The following TSHZ3 variants were observed in gnomAD, a reference collection of about 807,000 sequenced individuals.
TSHZ3 encodes the protein teashirt homolog 3.
A neutral mutation model predicts 64.5 loss-of-function variants in TSHZ3; 10 were observed. The ratio of observed to expected loss-of-function variants is 0.16; its 90% CI spans 0.10 to 0.26. The LOEUF is 0.26. TSHZ3 is among the 10% of genes least tolerant of loss of function. The pLI, the probability that TSHZ3 is intolerant of heterozygous loss-of-function variation, is 1.00. For missense variants in TSHZ3, 1,242 were observed against 1,421.7 expected, an observed-to-expected ratio of 0.87 and a Z score of 2.03; for synonymous variants, 608 against 593.1, an observed-to-expected ratio of 1.03 and a Z score of -0.36.
intron 1 of TSHZ3, among the ~76,000 whole-genome samples, chr19:31,319,600 T>G (rs1243592135): frequency 2.0e-5 from 3 of 152,092 alleles, no homozygotes; most frequent in Admixed American, 2.0e-4. Flanking sequence ...AGGCAGGCCC[T>G]GAGGAAACCC....
intron 5 of TSHZ3, among the ~76,000 whole-genome samples, chr19:31,199,928 C>T (rs1352959196): frequency 6.7e-6 from 1 of 149,470 alleles, no homozygotes; most frequent in East Asian, 2.0e-4. Context: ...GACACCTCAC[C>T]AAAGAAGATA....
At chr19:31,236,397 T>G (rs575647212) in intron 3 of TSHZ3, among the ~76,000 whole-genome samples, 8 of 152,212 alleles carry the variant, frequency 5.3e-5, no homozygotes, top group Non-Finnish European at 1.2e-4. Context: ...TTAGAGACAC[T>G]GAGCACCTTT....
At chr19:31,153,244 G>T (rs555469187) in intron 6 of TSHZ3, among the ~76,000 whole-genome samples, 2 of 152,250 alleles carry the variant, frequency 1.3e-5, no homozygotes, top group African/African-American at 4.8e-5. Context: ...TCGTCAAAAA[G>T]ATGTTTAGGA....
chr19:31,219,833 T>C (rs969578021), intron 4 of TSHZ3, among the ~76,000 whole-genome samples: 2 of 149,716 alleles, frequency 1.3e-5, no homozygotes, highest in Non-Finnish European at 3.0e-5. Flanking sequence ...TATATATGTA[T>C]ATTCAAAATG....
At position 31,277,171 on chromosome 19, in the gene TSHZ3, A is replaced by C; in HGVS notation, c.2622T>G (p.Ile874Met). The C allele has an allele frequency of 6.2e-7, 1 of 1,613,914 alleles. No homozygotes were observed. Among genetic ancestry groups the C allele is most frequent in the Non-Finnish European group, 8.5e-7 (1 of 1,179,940 alleles). ...CAGCCTCCTCCAGAGTGGCCCCGTC[A>C]ATGTCAGACTTCTCGGAGATGCTGG... is the stretch of plus-strand genomic sequence containing the variant. ...TPSSISEKSD[I>M]DGATLEEAEE... The change falls in exon 2 of 2, where the codon ATT (isoleucine) becomes ATG (methionine). Residue 874 changes from isoleucine (I) to methionine (M), a missense_variant. Ile to Met is a conservative substitution (Grantham distance 10). This residue lies in a region of TSHZ3 where 550 missense variants were observed against 545.1 expected (regional missense o/e 1.01). Coordinates refer to ENST00000240587, the MANE Select transcript of TSHZ3 (RefSeq NM_020856.4). The surrounding 1 kb of genome is among the most constrained non-coding windows in gnomAD (Gnocchi z 4.5).
chr19:31,220,489 C>T (rs1301766745), intron 4 of TSHZ3, among the ~76,000 whole-genome samples: 1 of 152,158 alleles, frequency 6.6e-6, no homozygotes, highest in Admixed American at 6.6e-5. Flanking sequence ...TTCAATTTCA[C>T]ATTTTATTTT....
chr19:31,183,148 T>C (rs1337151819), intron 5 of TSHZ3, among the ~76,000 whole-genome samples: 2 of 151,584 alleles, frequency 1.3e-5, no homozygotes, highest in African/African-American at 4.9e-5. Flanking sequence ...CCTGACAGCC[T>C]CTACAATCAT....
chr19:31,175,394 A>G (rs1974593125), intron 5 of TSHZ3, among the ~76,000 whole-genome samples: 1 of 152,196 alleles, frequency 6.6e-6, no homozygotes, highest in Non-Finnish European at 1.5e-5. Flanking sequence ...ATAGGACTTA[A>G]GCTAAAATCA....
chr19:31,306,248 C>T (rs1916287608), intron 1 of TSHZ3, among the ~76,000 whole-genome samples: 1 of 152,178 alleles, frequency 6.6e-6, no homozygotes, highest in Non-Finnish European at 1.5e-5. Context: ...GCGGGCTGGG[C>T]TGCGAGCTTC....
Position 31,279,125 on chromosome 19 carries a change from T to C in TSHZ3, c.668A>G (p.Tyr223Cys). The C allele has an allele frequency of 6.2e-7, 1 of 1,613,850 alleles. No homozygotes were observed. ...CACCGTCAACTCCACCAGGGTGTCG[T>C]AGGCAGCGCTGCAGTCCTTACAGCG... ...KFRCKDCSAA[Y>C]DTLVELTVHM... Residue 223 changes from tyrosine (Y) to cysteine (C), a missense_variant, in exon 2 of 2, where the codon TAC (tyrosine) becomes TGC (cysteine). Coordinates refer to ENST00000240587, the MANE Select transcript of TSHZ3 (RefSeq NM_020856.4). This position sits in a 1 kb window ranked among gnomAD's most constrained non-coding sequence, Gnocchi z 6.4.
intron 5 of TSHZ3, among the ~76,000 whole-genome samples, chr19:31,200,963 T>C (rs561028098): frequency 6.6e-6 from 1 of 152,040 alleles, no homozygotes; most frequent in African/African-American, 2.4e-5. Context: ...CATATTAAAC[T>C]GTACTTTAAA....
rs758019620 is a variant in TSHZ3, at chr19:31,277,394, C to G, written c.2399G>C (p.Gly800Ala). 2.5e-6 allele frequency: 4 copies of G among 1,614,124 alleles called. No individual in the cohort carries two copies. The highest frequency in any genetic ancestry group is 1.1e-5 in the South Asian group (1 of 91,080). The change falls in exon 2 of 2, where the codon GGC (glycine) becomes GCC (alanine). Residue 800 changes from glycine to alanine, a missense_variant. Coordinates refer to ENST00000240587, the MANE Select transcript of TSHZ3 (RefSeq NM_020856.4). The surrounding 1 kb of genome is among the most constrained non-coding windows in gnomAD (Gnocchi z 4.5). The part of the protein sequence containing the change: ...IDLTKGKSDK[G>A]CSLGSVLLSP... Reference sequence around the variant, plus strand: ...CAGAAGCACTGAACCCAAGGAGCAGCCTTTGTCACTCTTCCCTTTTGTCAA... The same window carrying G: ...CAGAAGCACTGAACCCAAGGAGCAGGCTTTGTCACTCTTCCCTTTTGTCAA...
intron 5 of TSHZ3, among the ~76,000 whole-genome samples, chr19:31,185,432 G>T (rs1974790656): frequency 6.6e-6 from 1 of 152,216 alleles, no homozygotes; most frequent in African/African-American, 2.4e-5. Flanking sequence ...CAGAGGGGAA[G>T]ATCAGAATAG....
intron 1 of TSHZ3, among the ~76,000 whole-genome samples, chr19:31,345,183 T>C (rs910881853): frequency 9.9e-5 from 15 of 152,138 alleles, no homozygotes; most frequent in African/African-American, 3.6e-4. Flanking sequence ...TCTCATTTCG[T>C]AGGAAATGGG....
downstream of TSHZ3, among the ~76,000 whole-genome samples, chr19:31,271,906 G>A (rs1385468650): frequency 3.3e-5 from 5 of 152,144 alleles, no homozygotes; most frequent in Non-Finnish European, 5.9e-5. Context: ...TTATTAAAGA[G>A]CGGTGTTGGA....
intron 1 of TSHZ3, among the ~76,000 whole-genome samples, chr19:31,325,491 C>T (rs1355763858): frequency 2.0e-5 from 3 of 152,134 alleles, no homozygotes; most frequent in Non-Finnish European, 2.9e-5. Context: ...GCCTGCTGAG[C>T]GAGAGAAGGG....
At chr19:31,214,101 T>C (rs746967216) in intron 4 of TSHZ3, among the ~76,000 whole-genome samples, 3 of 152,222 alleles carry the variant, frequency 2.0e-5, no homozygotes, top group Non-Finnish European at 2.9e-5. Flanking sequence ...CCAGTCCTTC[T>C]AATTCTCAAA....
chr19:31,176,408 A>T (rs1974607027), intron 5 of TSHZ3, among the ~76,000 whole-genome samples: 1 of 152,242 alleles, frequency 6.6e-6, no homozygotes, highest in East Asian at 1.9e-4. Flanking sequence ...GGAGAAAGAT[A>T]TGAAGAGATA....
intron 1 of TSHZ3, among the ~76,000 whole-genome samples, chr19:31,290,871 T>C (rs1310092781): frequency 1.3e-5 from 2 of 152,140 alleles, no homozygotes; most frequent in African/African-American, 4.8e-5. Context: ...GATGACAACC[T>C]CCCCTAGATT....
Sources: gnomAD v4.1 joint callset for allele counts (sites outside exome capture counted in the v4.1 genomes callset) on GRCh38, gnomAD v4.1.1 for gene constraint, gnomAD v4.1.1 regional missense constraint, Gnocchi (gnomAD v3.1) non-coding constraint, MANE v1.5 for transcripts, NCBI Gene and HGNC (gene_info 2026-07-23, HGNC 2026-07-21) for gene names.